GUCY1A2: variants seen among roughly 807,000 people sequenced by gnomAD.
The protein encoded by GUCY1A2 is guanylate cyclase soluble subunit alpha-2.
In GUCY1A2, 27 loss-of-function variants were observed where a neutral mutation model predicts 63.5. The observed-to-expected ratio is 0.43, with a 90% CI of 0.31 to 0.59. GUCY1A2 has a LOEUF of 0.59. Among genes scored for constraint, GUCY1A2 ranks in the 20% least tolerant of loss-of-function variants. The probability of loss-of-function intolerance (pLI) is 0.11; values close to 1 mark genes in which losing one functional copy is unlikely to be tolerated. For missense variants in GUCY1A2, 768 were observed against 913.3 expected, an observed-to-expected ratio of 0.84 and a Z score of 2.05; for synonymous variants, 364 against 343.5, an observed-to-expected ratio of 1.06 and a Z score of -0.66.
chr11:106,870,040 G>C (rs1859653402), intron 4 of GUCY1A2, among the ~76,000 whole-genome samples: 2 of 146,764 alleles, frequency 1.4e-5, no homozygotes, highest in African/African-American at 5.0e-5. Flanking sequence ...TCACTCATAG[G>C]TGGGAAATGA....
intron 4 of GUCY1A2, among the ~76,000 whole-genome samples, chr11:106,862,302 T>C (rs1370915626): frequency 1.4e-5 from 2 of 140,550 alleles, no homozygotes; most frequent in East Asian, 4.3e-4. Context: ...TACTTTCATA[T>C]AATTGTTATG....
At chr11:106,696,342 G>A (rs1006454193) in intron 7 of GUCY1A2, among the ~76,000 whole-genome samples, 1 of 152,100 alleles carries the variant, frequency 6.6e-6, no homozygotes, top group African/African-American at 2.4e-5. Context: ...GATTAGAAAA[G>A]ATAACTGTAA....
chr11:106,911,167 T>C (rs149431332), intron 4 of GUCY1A2, among the ~76,000 whole-genome samples: 1 of 152,136 alleles, frequency 6.6e-6, no homozygotes, highest in African/African-American at 2.4e-5. Context: ...ATACAAGCTG[T>C]ACAATTTAAT....
At chr11:106,763,446 A>C (rs1369458593) in intron 6 of GUCY1A2, among the ~76,000 whole-genome samples, 1 of 152,130 alleles carries the variant, frequency 6.6e-6, no homozygotes, top group Non-Finnish European at 1.5e-5. Context: ...TGGGAGGAAC[A>C]GAACCTGTGT....
intron 4 of GUCY1A2, among the ~76,000 whole-genome samples, chr11:106,883,422 A>C (rs1441928988): frequency 3.3e-5 from 5 of 152,146 alleles, no homozygotes; most frequent in African/African-American, 1.2e-4. Flanking sequence ...TCATGCACTT[A>C]GTGTGTGATG....
chr11:106,688,234 T>C (rs1351750231), intron 7 of GUCY1A2, among the ~76,000 whole-genome samples: 1 of 152,174 alleles, frequency 6.6e-6, no homozygotes, highest in Non-Finnish European at 1.5e-5. Flanking sequence ...TAATCAAGTA[T>C]TTAACTTTGT....
At chr11:106,723,527 T>C (rs1863353505) in intron 6 of GUCY1A2, among the ~76,000 whole-genome samples, 1 of 152,202 alleles carries the variant, frequency 6.6e-6, no homozygotes, top group African/African-American at 2.4e-5. Context: ...AGTGACTCAA[T>C]ATTTAAGTAA....
chr11:106,799,711 C>T (rs1864836265), intron 5 of GUCY1A2, among the ~76,000 whole-genome samples: 1 of 152,136 alleles, frequency 6.6e-6, no homozygotes, highest in Admixed American at 6.6e-5. Flanking sequence ...AAACTAGATC[C>T]CTTCCTTACA....
intron 5 of GUCY1A2, among the ~76,000 whole-genome samples, chr11:106,785,802 A>G (rs1864544915): frequency 6.6e-6 from 1 of 152,114 alleles, no homozygotes; most frequent in Non-Finnish European, 1.5e-5. Context: ...GTTGTTTTAA[A>G]TGATTCCCAA....
At chr11:106,911,281 A>G (rs1424272915) in intron 4 of GUCY1A2, among the ~76,000 whole-genome samples, 1 of 152,068 alleles carries the variant, frequency 6.6e-6, no homozygotes, top group Non-Finnish European at 1.5e-5. Flanking sequence ...AACTGAGCCC[A>G]AAGTAAGAGA....
chr11:106,707,175 C>T (rs2135348000), intron 7 of GUCY1A2, among the ~76,000 whole-genome samples: 1 of 152,092 alleles, frequency 6.6e-6, no homozygotes, highest in Non-Finnish European at 1.5e-5. Flanking sequence ...TTTTAATGTG[C>T]ACTTTCTCTT....
At chr11:106,961,894 T>G (rs1861062809) in intron 3 of GUCY1A2, among the ~76,000 whole-genome samples, 2 of 152,200 alleles carry the variant, frequency 1.3e-5, no homozygotes, top group South Asian at 4.1e-4. Context: ...AGTAGAAATC[T>G]CCCAATGTAG....
At chr11:106,712,835 ATAAGTGCTAGGTGCT>A (rs1863143745) in intron 6 of GUCY1A2, among the ~76,000 whole-genome samples, 1 of 152,154 alleles carries the variant, frequency 6.6e-6, no homozygotes, top group Non-Finnish European at 1.5e-5. Context: ...CAAGTCCTGT[ATAAGTGCTAGGTGCT>A]TTTCCATATG....
chr11:106,807,576 G>C (rs894934114), intron 5 of GUCY1A2, among the ~76,000 whole-genome samples: 1 of 152,120 alleles, frequency 6.6e-6, no homozygotes, highest in South Asian at 2.1e-4. Context: ...ACCTATCCTA[G>C]ATACATGTAC....
rs1160000520 is a variant in GUCY1A2 at position 106,868,293 on chromosome 11, TTAGGCAAAG to T, written c.1207-57824_1207-57816del. Among the ~76,000 whole-genome samples the T allele has an allele frequency of 9.9e-5, 15 of 152,092 alleles. No individual in the cohort carries two copies. The East Asian group carries it at 2.5e-3, about 25-fold the overall frequency. Reference sequence around the variant, plus strand: ...ATATTCAACCTAATAAGCAATGCAGTTAGGCAAAGAGGAAGTCAAATTGTCCCTGTTTGC... The same window carrying T: ...ATATTCAACCTAATAAGCAATGCAGTAGGAAGTCAAATTGTCCCTGTTTGC... On this transcript the variant is annotated intron_variant, in intron 4 of 7. Transcript: ENST00000526355.
chr11:106,896,465 A>G (rs985399446), intron 4 of GUCY1A2, among the ~76,000 whole-genome samples: 1 of 152,238 alleles, frequency 6.6e-6, no homozygotes, highest in East Asian at 1.9e-4. Context: ...AGCTAATAAA[A>G]TAATAAAGGG....
At position 106,811,701 on chromosome 11, in the gene GUCY1A2, T is replaced by C. The variant is rs553133507; in HGVS notation, c.1207-1223A>G. On this transcript the variant is annotated intron_variant, in intron 4 of 7. Coordinates refer to ENST00000526355, the MANE Select transcript of GUCY1A2 (RefSeq NM_000855.3). ...AATAAAATGGAATCTTGCTTGATGT[T>C]ATAATTTTTATGGAATTAAATGCTC... 2.0e-5 allele frequency among the ~76,000 whole-genome samples: 3 copies of C among 152,188 alleles called. No homozygotes were observed. In the South Asian group the frequency reaches 6.2e-4, roughly 32 times the overall value.
intron 6 of GUCY1A2, among the ~76,000 whole-genome samples, chr11:106,725,505 G>A (rs1863392633): frequency 6.6e-6 from 1 of 151,874 alleles, no homozygotes; most frequent in African/African-American, 2.4e-5. Context: ...ATTTAGGAGA[G>A]TATACATATT....
intron 3 of GUCY1A2, among the ~76,000 whole-genome samples, chr11:106,967,039 G>A (rs1233073170): frequency 1.3e-5 from 2 of 152,174 alleles, no homozygotes; most frequent in African/African-American, 4.8e-5. Context: ...GAAGTACACA[G>A]AACCAGAAGA....
Sources: gnomAD v4.1 joint callset for allele counts (sites outside exome capture counted in the v4.1 genomes callset) on GRCh38, gnomAD v4.1.1 for gene constraint, MANE v1.5 for transcripts, NCBI Gene and HGNC (gene_info 2026-07-23, HGNC 2026-07-21) for gene names.